Variants in PRKN observed in about 807,000 individuals in gnomAD.
The protein encoded by PRKN is parkin RBR E3 ubiquitin protein ligase.
Under a neutral mutation model 59.5 loss-of-function variants are expected in PRKN, and 56 were observed. The ratio of observed to expected loss-of-function variants is 0.94; its 90% CI spans 0.76 to 1.18. The LOEUF is 1.18. Ranked by LOEUF, PRKN falls within the 50% of genes most tolerant of loss-of-function variation. The pLI, the probability that PRKN is intolerant of heterozygous loss-of-function variation, is 0.00. For missense variants in PRKN, 657 were observed against 596.4 expected, an observed-to-expected ratio of 1.10 and a Z score of -1.06; for synonymous variants, 250 against 222.1, an observed-to-expected ratio of 1.13 and a Z score of -1.12.
chr6:162,290,554 T>A (rs970284685), intron 2 of PRKN, among the ~76,000 whole-genome samples: 11 of 152,108 alleles, frequency 7.2e-5, no homozygotes, highest in Non-Finnish European at 1.3e-4. Flanking sequence ...TATGAGTAAT[T>A]TTTTATCACC....
intron 2 of PRKN, among the ~76,000 whole-genome samples, chr6:162,314,972 CA>C (rs1481075095): frequency 6.6e-6 from 1 of 152,108 alleles, no homozygotes; most frequent in African/African-American, 2.4e-5. Context: ...GCTGTCTTCA[CA>C]GTAGATCACC....
chr6:162,209,651 C>T (rs183031024), intron 3 of PRKN, among the ~76,000 whole-genome samples: 24 of 152,236 alleles, frequency 1.6e-4, no homozygotes, highest in South Asian at 4.2e-4. Flanking sequence ...TAAAGACACA[C>T]GCACATGTTT....
intron 4 of PRKN, among the ~76,000 whole-genome samples, chr6:162,191,629 G>C (rs1470423250): frequency 6.6e-6 from 1 of 152,096 alleles, no homozygotes; most frequent in African/African-American, 2.4e-5. Context: ...TTTTAGTAGA[G>C]ACAGGTTTTC....
chr6:162,186,861 T>C (rs144486244), intron 4 of PRKN, among the ~76,000 whole-genome samples: 156 of 152,330 alleles, frequency 1.0e-3, no homozygotes, highest in African/African-American at 3.0e-3. Context: ...TAAGCCACTA[T>C]GCTTCCTGTA....
chr6:162,489,663 G>A (rs544937817), intron 1 of PRKN, among the ~76,000 whole-genome samples: 4 of 152,282 alleles, frequency 2.6e-5, no homozygotes, highest in African/African-American at 9.6e-5. Flanking sequence ...AGCAATGCAG[G>A]AATAACTTTC....
At chr6:162,336,811 A>G (rs1383301879) in intron 2 of PRKN, among the ~76,000 whole-genome samples, 29 of 152,330 alleles carry the variant, frequency 1.9e-4, no homozygotes. Context: ...GGACAGCTCA[A>G]CAAATCAGCC....
chr6:161,505,129 A>T (rs1304333878), intron 9 of PRKN, among the ~76,000 whole-genome samples: 1 of 152,130 alleles, frequency 6.6e-6, no homozygotes, highest in Non-Finnish European at 1.5e-5. Flanking sequence ...GAACTAGTTT[A>T]CAGTCCCACC....
chr6:161,680,752 TATATATATATATATATATATATA>T (rs1439323045), intron 7 of PRKN, among the ~76,000 whole-genome samples: 3,679 of 32,958 alleles, frequency 0.11, 188 homozygotes, highest in Non-Finnish European at 0.14. Flanking sequence ...TATATATATA[TATATATATATATATATATATATA>T]TTTTTTTTTT....
At chr6:161,779,435 C>CTTTTTTTTTTTT (rs1583153971) in intron 7 of PRKN, among the ~76,000 whole-genome samples, 1 of 40,432 alleles carries the variant, frequency 2.5e-5, no homozygotes, top group African/African-American at 8.2e-5. Flanking sequence ...TTTTTCTTTT[C>CTTTTTTTTTTTT]TTTTCTTTTT....
chr6:161,374,652 T>TGTGTGTG (rs1491233099), intron 10 of PRKN, among the ~76,000 whole-genome samples: 7 of 8,494 alleles, frequency 8.2e-4, no homozygotes, highest in African/African-American at 1.1e-3. Context: ...GGTGTGTGTG[T>TGTGTGTG]ATGTGTGATG....
chr6:162,568,993 A>C, intron 1 of PRKN: 9 of 687,150 alleles, frequency 1.3e-5, no homozygotes, highest in Non-Finnish European at 2.4e-5. Context: ...AGGCAGCTGT[A>C]TGAAGAGGAG....
chr6:161,829,184 C>T (rs942503448), intron 6 of PRKN, among the ~76,000 whole-genome samples: 7 of 152,142 alleles, frequency 4.6e-5, no homozygotes, highest in East Asian at 3.9e-4. Flanking sequence ...CAAGATCACA[C>T]GATTGCACTC....
intron 7 of PRKN, among the ~76,000 whole-genome samples, chr6:161,774,949 A>G (rs1428026142): frequency 6.6e-6 from 1 of 152,172 alleles, no homozygotes; most frequent in Non-Finnish European, 1.5e-5. Context: ...CTTGGACTAC[A>G]AGCACATCAG....
At chr6:162,083,474 T>G (rs1779140014) in intron 4 of PRKN, among the ~76,000 whole-genome samples, 1 of 152,078 alleles carries the variant, frequency 6.6e-6, no homozygotes, top group African/African-American at 2.4e-5. Context: ...GAGGTGCGCC[T>G]GTACTGTTTT....
At chr6:162,263,085 CT>C (rs1209016689) in intron 2 of PRKN, among the ~76,000 whole-genome samples, 4 of 151,892 alleles carry the variant, frequency 2.6e-5, no homozygotes, top group East Asian at 1.9e-4. Flanking sequence ...ACAATAATTC[CT>C]TTTTTCCCCC....
intron 3 of PRKN, among the ~76,000 whole-genome samples, chr6:162,235,999 AAG>A (rs149975086): frequency 0.019 from 2,388 of 124,434 alleles, 130 homozygotes; most frequent in African/African-American, 0.082. Flanking sequence ...GAAAGAAAGA[AAG>A]AAAGAAAGAA....
chr6:162,620,619 C>T (rs1782624577), intron 1 of PRKN, among the ~76,000 whole-genome samples: 1 of 152,186 alleles, frequency 6.6e-6, no homozygotes, highest in Admixed American at 6.5e-5. Context: ...CATTTAGTTT[C>T]AGTTTTCCCT....
At chr6:161,785,749 G>T in intron 7 of PRKN, 23 bp downstream of exon 7, 4 of 1,611,768 alleles carry the variant, frequency 2.5e-6, no homozygotes, top group African/African-American at 2.7e-5. Flanking sequence ...ATTAGAGATG[G>T]AGAGAAAACA....
chr6:162,014,747 C>T (rs1400007703), intron 5 of PRKN, among the ~76,000 whole-genome samples: 1 of 152,112 alleles, frequency 6.6e-6, no homozygotes, highest in African/African-American at 2.4e-5. Flanking sequence ...CTCCTTACTC[C>T]ACTCCACTCA....
Sources: allele counts gnomAD v4.1 joint callset (sites outside exome capture counted in the v4.1 genomes callset), GRCh38; gene constraint gnomAD v4.1.1; transcripts MANE v1.5; gene names NCBI Gene and HGNC (gene_info 2026-07-23, HGNC 2026-07-21).